Variants in NEGR1 observed in about 807,000 individuals in gnomAD.
The protein encoded by NEGR1 is IgLON family member 4.
In NEGR1, 10 loss-of-function variants were observed where a neutral mutation model predicts 40.9. That is an observed-to-expected ratio of 0.24 (90% CI 0.15 to 0.42). The LOEUF (loss-of-function observed/expected upper bound fraction) is 0.42. Ranked by LOEUF, NEGR1 falls within the 10% of genes least tolerant of loss-of-function variation. The pLI is 1.00. For missense variants in NEGR1, 352 were observed against 438.9 expected, an observed-to-expected ratio of 0.80 and a Z score of 1.77; for synonymous variants, 185 against 166.8, an observed-to-expected ratio of 1.11 and a Z score of -0.84.
intron 1 of NEGR1, among the ~76,000 whole-genome samples, chr1:72,036,511 C>T (rs952678580): frequency 2.0e-5 from 3 of 151,794 alleles, no homozygotes; most frequent in South Asian, 4.2e-4. Context: ...CAAAAATTAG[C>T]TGGGCATGGT....
Position 72,024,745 on chromosome 1 carries a change from T to C in NEGR1, c.177-89434A>G, listed in dbSNP as rs116040169. ...TTATCACTGCAGTCAGCTTTGTATT[T>C]ACTGTCAAAGGAAAGATTCAGTCAT... On this transcript the variant is annotated intron_variant, in intron 1 of 6. Coordinates refer to ENST00000357731, the MANE Select transcript of NEGR1 (RefSeq NM_173808.3). Among the ~76,000 whole-genome samples, 1,425 of 152,288 alleles carry C rather than the reference T, an allele frequency of 9.4e-3. 20 individuals carry two copies. Among genetic ancestry groups the C allele is most frequent in the African/African-American group, 0.033 (1,367 of 41,574 alleles).
intron 2 of NEGR1, among the ~76,000 whole-genome samples, chr1:71,847,134 G>C (rs1044797179): frequency 6.6e-6 from 1 of 152,146 alleles, no homozygotes; most frequent in East Asian, 1.9e-4. Context: ...TGGATATCAA[G>C]TCAGAAGCAC....
intron 1 of NEGR1, among the ~76,000 whole-genome samples, chr1:72,005,098 T>C (rs1646595540): frequency 6.6e-6 from 1 of 152,142 alleles, no homozygotes; most frequent in Non-Finnish European, 1.5e-5. Flanking sequence ...GCCTGGCATT[T>C]TGAAATTAAG....
chr1:72,086,436 G>A (rs1365050894), intron 1 of NEGR1, among the ~76,000 whole-genome samples: 1 of 152,160 alleles, frequency 6.6e-6, no homozygotes, highest in Non-Finnish European at 1.5e-5. Flanking sequence ...AATTAAAAAT[G>A]AGAGAGAACA....
chr1:71,618,663 A>G (rs1242864318), intron 4 of NEGR1, among the ~76,000 whole-genome samples: 2 of 152,126 alleles, frequency 1.3e-5, no homozygotes, highest in African/African-American at 4.8e-5. Context: ...ACAATATAAT[A>G]ATAATAGAAA....
intron 1 of NEGR1, among the ~76,000 whole-genome samples, chr1:72,078,025 A>T (rs1375617292): frequency 1.3e-5 from 2 of 152,294 alleles, no homozygotes; most frequent in East Asian, 3.9e-4. Flanking sequence ...TGCTGAAAAG[A>T]TGCATATTCT....
chr1:72,085,096 G>A (rs1252513651), intron 1 of NEGR1, among the ~76,000 whole-genome samples: 14 of 152,076 alleles, frequency 9.2e-5, no homozygotes, highest in Non-Finnish European at 1.5e-5. Context: ...GCCCAAAGAG[G>A]TTAAAAAATC....
intron 1 of NEGR1, among the ~76,000 whole-genome samples, chr1:72,004,158 A>G (rs1646581861): frequency 6.6e-6 from 1 of 151,892 alleles, no homozygotes. Context: ...TTATATATTT[A>G]TTTTCATAAT....
chr1:71,781,608 A>G (rs1030996073), intron 2 of NEGR1, among the ~76,000 whole-genome samples: 1 of 152,164 alleles, frequency 6.6e-6, no homozygotes, highest in African/African-American at 2.4e-5. Context: ...ACACTCACAG[A>G]TTACTGAAAA....
At chr1:71,783,986 C>T (rs772700454) in intron 2 of NEGR1, among the ~76,000 whole-genome samples, 1 of 152,124 alleles carries the variant, frequency 6.6e-6, no homozygotes, top group Non-Finnish European at 1.5e-5. Context: ...ACTAATCCTA[C>T]AAAGACTTAT....
intron 1 of NEGR1, among the ~76,000 whole-genome samples, chr1:71,997,788 A>T (rs1646518108): frequency 6.6e-6 from 1 of 151,878 alleles, no homozygotes; most frequent in Admixed American, 6.6e-5. Flanking sequence ...TTATTTCTTC[A>T]TCTAATTGCT....
intron 1 of NEGR1, among the ~76,000 whole-genome samples, chr1:72,157,794 A>C (rs1355005961): frequency 1.3e-5 from 2 of 152,142 alleles, no homozygotes; most frequent in Non-Finnish European, 2.9e-5. Flanking sequence ...AGGTTATCTA[A>C]TTCCCTTTGA....
chr1:71,545,278 G>A (rs1647855376), intron 6 of NEGR1, among the ~76,000 whole-genome samples: 1 of 151,600 alleles, frequency 6.6e-6, no homozygotes, highest in Non-Finnish European at 1.5e-5. Flanking sequence ...GGAACAAGGG[G>A]TGCTTTATGC....
rs530813445 is a variant in NEGR1, at chr1:72,232,940, G to T, written c.176+49379C>A. ...GAAAGTAAACGGAAAGATGTACACA[G>T]TAAAGTCTTGAAAAATAGCCAACTG... On this transcript the variant is annotated intron_variant, in intron 1 of 6. Coordinates refer to ENST00000357731, the MANE Select transcript of NEGR1 (RefSeq NM_173808.3). Among the ~76,000 whole-genome samples the T allele has an allele frequency of 2.0e-5, 3 of 152,246 alleles. No individual in the cohort carries two copies. The South Asian group carries it at 6.2e-4, about 32-fold the overall frequency.
intron 1 of NEGR1, among the ~76,000 whole-genome samples, chr1:72,164,425 TG>T (rs1651697908): frequency 6.6e-6 from 1 of 152,042 alleles, no homozygotes; most frequent in Non-Finnish European, 1.5e-5. Context: ...TCTCAAGCAC[TG>T]TCACACAAAC....
chr1:72,110,284 T>C (rs1557531276), intron 1 of NEGR1, among the ~76,000 whole-genome samples: 2 of 151,170 alleles, frequency 1.3e-5, no homozygotes, highest in South Asian at 4.2e-4. Context: ...ACAAGTATCT[T>C]GTTTCCTGTG....
intron 1 of NEGR1, among the ~76,000 whole-genome samples, chr1:71,976,335 C>T (rs10518394): frequency 0.12 from 17,927 of 152,144 alleles, 1,098 homozygotes; most frequent in South Asian, 0.18. Context: ...GCAATATGTA[C>T]GTGAACGAAG....
At chr1:72,246,875 T>G (rs1654920741) in intron 1 of NEGR1, among the ~76,000 whole-genome samples, 3 of 152,242 alleles carry the variant, frequency 2.0e-5, no homozygotes, top group African/African-American at 7.2e-5. Context: ...CTCTGAAATC[T>G]AGGCAGAGGC....
chr1:71,654,433 A>T (rs955045593), intron 4 of NEGR1, among the ~76,000 whole-genome samples: 7 of 152,196 alleles, frequency 4.6e-5, no homozygotes, highest in Admixed American at 2.6e-4. Flanking sequence ...GGTTGGAAGT[A>T]GAGGGAGCAT....
Sources: gnomAD v4.1 joint callset for allele counts (sites outside exome capture counted in the v4.1 genomes callset) on GRCh38, gnomAD v4.1.1 for gene constraint, MANE v1.5 for transcripts, NCBI Gene and HGNC (gene_info 2026-07-23, HGNC 2026-07-21) for gene names.